Variants in ETF1 observed in about 807,000 individuals in gnomAD.
The protein encoded by ETF1 is eukaryotic translation termination factor 1.
In ETF1, 4 loss-of-function variants were observed where a neutral mutation model predicts 55.1. The ratio of observed to expected loss-of-function variants is 0.07; its 90% CI spans 0.04 to 0.17. The LOEUF (loss-of-function observed/expected upper bound fraction) is 0.17. Among genes scored for constraint, ETF1 ranks in the 10% least tolerant of loss-of-function variants. ETF1 has a pLI of 1.00. For missense variants in ETF1, 142 were observed against 523.6 expected (o/e 0.27, Z 7.11); for synonymous variants, 157 against 182.3 (o/e 0.86, Z 1.12).
At position 138,511,485 on chromosome 5, in the gene ETF1, C is replaced by T. The variant is rs1221097195; in HGVS notation, c.852G>A (p.Lys284=). ...GCATTTCACCGATACCTATTAATTT[C>T]TTCTCTTGAATGAATTTCACGTTGG... ...VLSNVKFIQE[K]KLIGRYFDEI... The change falls in exon 7 of 11, where the codon AAG becomes AAA. Residue 284 remains lysine (K), a synonymous_variant. Coordinates refer to ENST00000360541, the MANE Select transcript of ETF1 (RefSeq NM_004730.4). The T allele has an allele frequency of 6.2e-7, 1 of 1,612,960 alleles. No homozygotes were observed. The highest frequency in any genetic ancestry group is 8.5e-7 in the Non-Finnish European group (1 of 1,179,684).
intron 2 of ETF1, chr5:138,541,709 T>C: frequency 1.7e-6 from 2 of 1,182,662 alleles, no homozygotes; most frequent in Non-Finnish European, 2.1e-6. Context: ...GCCATTCTAC[T>C]ATTCTAAGAA....
intron 2 of ETF1, among the ~76,000 whole-genome samples, chr5:138,525,221 G>A (rs554044817): frequency 2.6e-5 from 4 of 151,484 alleles, no homozygotes; most frequent in Admixed American, 6.6e-5. Context: ...GCAGTGGGGC[G>A]ATCTTGGCTT....
intron 9 of ETF1, among the ~76,000 whole-genome samples, chr5:138,509,899 A>G (rs1047849250): frequency 6.9e-6 from 1 of 144,804 alleles, no homozygotes; most frequent in Admixed American, 7.0e-5. Context: ...CACCTCAAAA[A>G]AAAAAAAAAA....
chr5:138,517,768 G>A, intron 3 of ETF1, 68 bp from the exon 4 acceptor site: 1 of 1,347,156 alleles, frequency 7.4e-7, no homozygotes, highest in Non-Finnish European at 9.7e-7. Context: ...AATAGAAAAT[G>A]TTCCCATAGC....
chr5:138,536,922 C>T (rs1272356970), intron 2 of ETF1, among the ~76,000 whole-genome samples: 3 of 152,178 alleles, frequency 2.0e-5, no homozygotes, highest in Non-Finnish European at 4.4e-5. Context: ...AGCACTCTGC[C>T]TTAAATGATA....
rs1321705341 is a variant in ETF1, at chr5:138,526,937, T to G, written c.87-8070A>C. Reference sequence around the variant, plus strand: ...GGATGTTCTCGATCTCCCGACCTTGTGATCCGCCCACCTCAGCCTCCCAAA... The same window carrying G: ...GGATGTTCTCGATCTCCCGACCTTGGGATCCGCCCACCTCAGCCTCCCAAA... On this transcript the variant is annotated intron_variant, in intron 2 of 10. Coordinates refer to ENST00000360541, the MANE Select transcript of ETF1 (RefSeq NM_004730.4). Among the ~76,000 whole-genome samples, 3 of 152,180 alleles carry G rather than the reference T, an allele frequency of 2.0e-5. No individual in the cohort carries two copies. The East Asian group carries it at 5.8e-4, about 29-fold the overall frequency.
chr5:138,542,005 T>C (rs151087853), intron 2 of ETF1, among the ~76,000 whole-genome samples: 1 of 152,166 alleles, frequency 6.6e-6, no homozygotes, highest in East Asian at 1.9e-4. Flanking sequence ...CAATTATGAA[T>C]CTCACTCAAC....
chr5:138,535,695 T>C (rs1765894952), intron 2 of ETF1, among the ~76,000 whole-genome samples: 1 of 143,654 alleles, frequency 7.0e-6, no homozygotes, highest in African/African-American at 2.6e-5. Flanking sequence ...CACTCCAGCC[T>C]GGGCAAGAGA....
At chr5:138,531,802 T>C (rs1765709714) in intron 2 of ETF1, among the ~76,000 whole-genome samples, 1 of 152,184 alleles carries the variant, frequency 6.6e-6, no homozygotes, top group South Asian at 2.1e-4. Context: ...ATCCCAGCAC[T>C]TTGGGAGGCC....
rs35261297 is a variant in ETF1, at chr5:138,535,874, CAAAAAAAAA to C, written c.86+6950_86+6958del. Reference sequence around the variant, plus strand: ...TGGGCGGGAAAGCGAGACTCCGCCTCAAAAAAAAAAAAAAAAAAAAAAAAAAGACCTTAA... The same window carrying C: ...TGGGCGGGAAAGCGAGACTCCGCCTCAAAAAAAAAAAAAAAAAGACCTTAA... On this transcript the variant is annotated intron_variant, in intron 2 of 10. Coordinates refer to ENST00000360541, the MANE Select transcript of ETF1 (RefSeq NM_004730.4). Among the ~76,000 whole-genome samples the C allele has an allele frequency of 1.7e-4, 10 of 57,846 alleles. 1 individual carries two copies. Among genetic ancestry groups the C allele is most frequent in the South Asian group, 2.0e-3 (2 of 1,010 alleles). 37.9% of individuals were successfully genotyped at this position (57,846 alleles called of 152,430 possible).
At chr5:138,520,586 G>C (rs1765194174) in intron 2 of ETF1, among the ~76,000 whole-genome samples, 1 of 152,188 alleles carries the variant, frequency 6.6e-6, no homozygotes, top group South Asian at 2.1e-4. Flanking sequence ...GGGAGGCTAA[G>C]GTAGGAGGAT....
At chr5:138,529,720 C>A in intron 2 of ETF1, 1 of 984,376 alleles carries the variant, frequency 1.0e-6, no homozygotes, top group Non-Finnish European at 1.2e-6. Context: ...TGTAACAGAA[C>A]TAAACCAAAT....
At chr5:138,531,523 C>T (rs372022565) in intron 2 of ETF1, among the ~76,000 whole-genome samples, 1 of 152,206 alleles carries the variant, frequency 6.6e-6, no homozygotes, top group South Asian at 2.1e-4. Context: ...AGTACTCTGC[C>T]ATCCAAGTCA....
intron 3 of ETF1, among the ~76,000 whole-genome samples, chr5:138,518,351 C>T (rs1230206021): frequency 6.6e-6 from 1 of 152,004 alleles, no homozygotes; most frequent in Non-Finnish European, 1.5e-5. Context: ...GATGGGACTA[C>T]AGGTGTGTGC....
intron 2 of ETF1, among the ~76,000 whole-genome samples, chr5:138,538,390 A>G (rs916421843): frequency 1.3e-5 from 2 of 151,752 alleles, no homozygotes; most frequent in Non-Finnish European, 2.9e-5. Flanking sequence ...GGGTTTCACC[A>G]TGTTGGCTAG....
At chr5:138,512,334 G>A (rs1445774252) in intron 6 of ETF1, among the ~76,000 whole-genome samples, 1 of 140,532 alleles carries the variant, frequency 7.1e-6, no homozygotes, top group Non-Finnish European at 1.5e-5. Context: ...TCTTGAAAGT[G>A]TATTATGGCT....
chr5:138,542,587 C>G (rs1325197691), intron 2 of ETF1: 2 of 1,387,816 alleles, frequency 1.4e-6, no homozygotes, highest in Non-Finnish European at 1.9e-6. Flanking sequence ...GGTGGCCTAC[C>G]ACGAGGGGGG....
intron 2 of ETF1, 95 bp downstream of exon 2, chr5:138,542,738 C>T: frequency 6.4e-7 from 1 of 1,553,450 alleles, no homozygotes; most frequent in Middle Eastern, 1.9e-4. Context: ...TGGCTAGTGC[C>T]TGGTTCTCCT....
At chr5:138,536,073 G>C (rs1011423983) in intron 2 of ETF1, among the ~76,000 whole-genome samples, 5 of 152,102 alleles carry the variant, frequency 3.3e-5, no homozygotes, top group Non-Finnish European at 5.9e-5. Context: ...ACTCACAGCA[G>C]ATGTTTGGTG....
Sources: allele counts gnomAD v4.1 joint callset (sites outside exome capture counted in the v4.1 genomes callset), GRCh38; gene constraint gnomAD v4.1.1; transcripts MANE v1.5; gene names NCBI Gene and HGNC (gene_info 2026-07-23, HGNC 2026-07-21).